Variants in VAV2 observed in about 807,000 individuals in gnomAD.
VAV2 encodes guanine nucleotide exchange factor VAV2.
In VAV2, 67 loss-of-function variants were observed where a neutral mutation model predicts 132.5. The observed-to-expected ratio is 0.51, with a 90% CI of 0.42 to 0.62. The LOEUF (loss-of-function observed/expected upper bound fraction) is 0.62, where lower values mean the gene tolerates loss of function less well. Among genes scored for constraint, VAV2 ranks in the 20% least tolerant of loss-of-function variants. The pLI, the probability that VAV2 is intolerant of heterozygous loss-of-function variation, is 0.00. For synonymous variants in VAV2, 492 were observed against 443.5 expected, an observed-to-expected ratio of 1.11 and a Z score of -1.37; for missense variants, 938 against 1,153.6, an observed-to-expected ratio of 0.81 and a Z score of 2.71.
intron 12 of VAV2, 44 bp from the exon 13 acceptor site, chr9:133,791,913 G>A (rs1834479421): frequency 2.0e-6 from 3 of 1,518,264 alleles, no homozygotes; most frequent in Non-Finnish European, 2.7e-6. Flanking sequence ...GCTGGGTGGG[G>A]TGTGTGTGAC....
At position 133,806,064 on chromosome 9, in the gene VAV2, AG is replaced by A. The variant is rs775313406; in HGVS notation, c.836+16del. 6.2e-7 allele frequency: 1 copy of A among 1,609,338 alleles called. No homozygotes were observed. Among genetic ancestry groups the A allele is most frequent in the East Asian group, 2.2e-5 (1 of 44,630 alleles). On this transcript the variant is annotated intron_variant, in intron 9 of 29. Coordinates refer to ENST00000371850, the MANE Select transcript of VAV2 (RefSeq NM_001134398.2). ...CAGGGAGGGGCCAAGGAGCCCCAGG[AG>A]CCGGCAGCCACTCACCTTTCCTTGA...
chr9:133,861,179 G>C, intron 3 of VAV2, 195 bp downstream of exon 3: 1 of 521,600 alleles, frequency 1.9e-6, no homozygotes, highest in Non-Finnish European at 3.3e-6. Context: ...GATTTCCCCG[G>C]TGTGAGCTGA....
chr9:133,843,157 G>A (rs1332898599), intron 3 of VAV2, among the ~76,000 whole-genome samples: 4 of 152,146 alleles, frequency 2.6e-5, no homozygotes, highest in African/African-American at 4.8e-5. Flanking sequence ...GGCCACACCC[G>A]GCTCGGGGAT....
rs1835877123 is a variant in VAV2, at chr9:133,823,620, C to A, written c.449+10652G>T. Among the ~76,000 whole-genome samples the A allele has an allele frequency of 6.6e-6, 1 of 152,164 alleles. No homozygotes were observed. ...GGAGGGCGATTTAGAGGGGGAGGGACCTTCATCAGACACAGCACAGCCCTC... is the reference window on the plus strand; with the variant it reads ...GGAGGGCGATTTAGAGGGGGAGGGAACTTCATCAGACACAGCACAGCCCTC... On this transcript the variant is annotated intron_variant, in intron 4 of 29. Transcript: ENST00000371850. The surrounding 1 kb of genome is among the most constrained non-coding windows in gnomAD (Gnocchi z 5.5).
At chr9:133,872,850 C>T (rs956421216) in intron 2 of VAV2, among the ~76,000 whole-genome samples, 9 of 152,060 alleles carry the variant, frequency 5.9e-5, no homozygotes, top group East Asian at 3.9e-4. Context: ...GGGTGGCTCA[C>T]GCCTGTAATC....
chr9:133,797,796 C>G lies in VAV2; in HGVS notation c.850G>C (p.Gly284Arg). 6.2e-7 allele frequency: 1 copy of G among 1,613,958 alleles called. No individual in the cohort carries two copies. Among genetic ancestry groups the G allele is most frequent in the Non-Finnish European group, 8.5e-7 (1 of 1,179,904 alleles). ...TGCTCCATGTGGCTGCAGTACTCCC[C>G]GTAGATCAGAAGCCTGGACGGTGCA... ...LDFKERLLIY[G>R]EYCSHMEHAQ... Residue 284 changes from glycine to arginine, a missense_variant, in exon 10 of 30, where the codon GGG becomes CGG. By Grantham distance (125) the Gly-to-Arg change is moderately radical. Coordinates refer to ENST00000371850, the MANE Select transcript of VAV2 (RefSeq NM_001134398.2).
chr9:133,774,261 A>G (rs1200715137), intron 25 of VAV2, among the ~76,000 whole-genome samples: 1 of 152,168 alleles, frequency 6.6e-6, no homozygotes, highest in Admixed American at 6.5e-5. Flanking sequence ...AATGTGCACC[A>G]TGAGTGTGTG....
rs143593335 is a variant in VAV2 at position 133,772,016 on chromosome 9, C to G, written c.2166G>C (p.Val722=). The change falls in exon 26 of 30, where the codon GTG becomes GTC. Residue 722 remains valine (V), a synonymous_variant. Transcript: ENST00000371850. ...KFNDEVKHIK[V]VEKDNWIHIT... is the part of the protein sequence containing the mutation. ...TGTGGATCCAGTTGTCCTTCTCCAC[C>G]ACCTTGATGTGCTTCACCTCATCAT... The G allele has an allele frequency of 4.5e-5, 72 of 1,614,024 alleles. No homozygotes were observed. Among genetic ancestry groups the G allele is most frequent in the Non-Finnish European group, 5.9e-5 (70 of 1,179,984 alleles).
chr9:133,765,784 C>T (rs1300810381), intron 29 of VAV2, among the ~76,000 whole-genome samples: 1 of 152,160 alleles, frequency 6.6e-6, no homozygotes, highest in African/African-American at 2.4e-5. Flanking sequence ...ATGATTTCTG[C>T]AATTTACTCT....
chr9:133,778,873 G>A lies in VAV2; in HGVS notation c.1779C>T (p.Ala593=), dbSNP rs1833908262. 4 of 1,612,280 alleles carry A rather than the reference G, an allele frequency of 2.5e-6. No homozygotes were observed. Among genetic ancestry groups the A allele is most frequent in the African/African-American group, 1.3e-5 (1 of 74,904 alleles). ...SGAGPGPKMV[A]MQNYHGNPAP... ...CTGGGTTGCCATGGTAATTCTGCAT[G>A]GCCACCATCTTGGGACCTGCAAAGG... The change falls in exon 22 of 30, where the codon GCC becomes GCT. Residue 593 remains alanine (A), a synonymous_variant. Transcript: ENST00000371850.
At chr9:133,894,471 G>A (rs1242608630) in intron 2 of VAV2, among the ~76,000 whole-genome samples, 4 of 152,208 alleles carry the variant, frequency 2.6e-5, no homozygotes, top group East Asian at 3.9e-4. Flanking sequence ...CCGCCTTTAC[G>A]CCCTCTGAGC....
At chr9:133,989,556 G>A (rs1335445858) in intron 1 of VAV2, among the ~76,000 whole-genome samples, 39 of 144,346 alleles carry the variant, frequency 2.7e-4, no homozygotes, top group Admixed American at 2.3e-3. Context: ...GTGGTGGAGC[G>A]TGCCGGTAGT....
chr9:133,965,485 C>T (rs1344943281), intron 1 of VAV2, among the ~76,000 whole-genome samples: 4 of 121,074 alleles, frequency 3.3e-5, no homozygotes, highest in Non-Finnish European at 5.0e-5. Context: ...GATGACAGAG[C>T]GAGACTGTCA....
chr9:133,770,201 T>C (rs1185965682), intron 27 of VAV2, among the ~76,000 whole-genome samples, 177 bp downstream of exon 27: 2 of 152,190 alleles, frequency 1.3e-5, no homozygotes, highest in African/African-American at 2.4e-5. Flanking sequence ...GCCTGTCACA[T>C]GGCCCAGGAG....
chr9:133,888,905 G>T (rs767287567), intron 2 of VAV2, among the ~76,000 whole-genome samples: 12 of 152,170 alleles, frequency 7.9e-5, no homozygotes, highest in African/African-American at 2.7e-4. Context: ...ATTACAGGAC[G>T]CTGGGCCCTG....
At chr9:133,783,438 G>T in intron 19 of VAV2, 65 bp downstream of exon 19, 1 of 1,505,820 alleles carries the variant, frequency 6.6e-7, no homozygotes, top group Non-Finnish European at 9.2e-7. Context: ...GTACCCAGGT[G>T]GTAGGGGGCA....
At chr9:133,929,093 G>C (rs764672566) in intron 2 of VAV2, among the ~76,000 whole-genome samples, 1 of 152,216 alleles carries the variant, frequency 6.6e-6, no homozygotes, top group Non-Finnish European at 1.5e-5. Context: ...TTTACAGATG[G>C]GGAAATGACA....
At position 133,788,332 on chromosome 9, in the gene VAV2, G is replaced by A. The variant is rs1366232591; in HGVS notation, c.1407+22C>T. 3 of 1,583,978 alleles carry A rather than the reference G, an allele frequency of 1.9e-6. No homozygotes were observed. Among genetic ancestry groups the A allele is most frequent in the Admixed American group, 1.7e-5 (1 of 59,326 alleles). ...GCCACCCCCACGTTCCTGGGTAGCA[G>A]GGGGGACCCGGAAGGCCCCACCTTC... On this transcript the variant is annotated intron_variant, in intron 15 of 29. Coordinates refer to ENST00000371850, the MANE Select transcript of VAV2 (RefSeq NM_001134398.2). The surrounding 1 kb of genome is among the most constrained non-coding windows in gnomAD (Gnocchi z 5.3).
chr9:133,803,004 C>T (rs1343503191), intron 9 of VAV2, among the ~76,000 whole-genome samples: 1 of 152,200 alleles, frequency 6.6e-6, no homozygotes, highest in Non-Finnish European at 1.5e-5. Context: ...CCAAGCCAAC[C>T]CCTACTGGGG....
Sources: gnomAD v4.1 joint callset for allele counts (sites outside exome capture counted in the v4.1 genomes callset) on GRCh38, gnomAD v4.1.1 for gene constraint, Gnocchi (gnomAD v3.1) non-coding constraint, MANE v1.5 for transcripts, NCBI Gene and HGNC (gene_info 2026-07-23, HGNC 2026-07-21) for gene names.